The following OXR1 variants were observed in gnomAD, a reference collection of about 807,000 sequenced individuals.
OXR1 encodes the protein oxidation resistance protein 1.
Under a neutral mutation model 104.6 loss-of-function variants are expected in OXR1, and 41 were observed. That is an observed-to-expected ratio of 0.39 (90% CI 0.31 to 0.51). OXR1 has a LOEUF of 0.51. Among genes scored for constraint, OXR1 ranks in the 20% least tolerant of loss-of-function variants. OXR1 has a pLI of 0.77. For missense variants in OXR1, 955 were observed against 1,031.9 expected, an observed-to-expected ratio of 0.93 and a Z score of 1.02; for synonymous variants, 348 against 348.4, an observed-to-expected ratio of 1.00 and a Z score of 0.01.
chr8:106,696,105 A>G (rs975683126), intron 7 of OXR1, among the ~76,000 whole-genome samples: 2 of 152,128 alleles, frequency 1.3e-5, no homozygotes, highest in African/African-American at 4.8e-5. Flanking sequence ...TCCTCTATGC[A>G]CCACCTGTTC....
chr8:106,658,033 G>GGGGCACGGCCAACCGCCTGTT, intron 3 of OXR1: 1 of 1,248,508 alleles, frequency 8.0e-7, no homozygotes, highest in Non-Finnish European at 1.0e-6. Flanking sequence ...CGCCTTCTGC[G>GGGGCACGGCCAACCGCCTGTT]GGGCACGGCC....
At chr8:106,532,350 C>T (rs73699548) in intron 3 of OXR1, among the ~76,000 whole-genome samples, 5,612 of 152,298 alleles carry the variant, frequency 0.037, 338 homozygotes, top group African/African-American at 0.13. Context: ...TCTGGAATTA[C>T]ATACAATTGG....
chr8:106,300,047 A>G (rs1266215441), intron 1 of OXR1, among the ~76,000 whole-genome samples: 2 of 152,228 alleles, frequency 1.3e-5, no homozygotes, highest in African/African-American at 4.8e-5. Context: ...AATGTAAAGC[A>G]TGTCTGAGAA....
chr8:106,726,207 C>T (rs748894577), intron 11 of OXR1: 77 of 1,511,130 alleles, frequency 5.1e-5, no homozygotes, highest in Admixed American at 6.5e-5. Context: ...ACAGTTCTTA[C>T]GTGATTTTAT....
At chr8:106,331,846 G>A (rs950575754) in intron 1 of OXR1, among the ~76,000 whole-genome samples, 1 of 151,866 alleles carries the variant, frequency 6.6e-6, no homozygotes, top group Non-Finnish European at 1.5e-5. Context: ...AGGCTGAGGC[G>A]TGAGAATGAT....
At chr8:106,520,829 A>C (rs1218294453) in intron 3 of OXR1, among the ~76,000 whole-genome samples, 1 of 152,240 alleles carries the variant, frequency 6.6e-6, no homozygotes, top group African/African-American at 2.4e-5. Context: ...CAGCAAATAA[A>C]GCTTATCCTA....
chr8:106,473,767 A>G (rs747542832), intron 2 of OXR1, among the ~76,000 whole-genome samples: 2 of 150,900 alleles, frequency 1.3e-5, no homozygotes, highest in Non-Finnish European at 3.0e-5. Context: ...CTTGTCAGGG[A>G]CAGTAGTTTT....
At chr8:106,280,827 G>C (rs576203163) in intron 1 of OXR1, among the ~76,000 whole-genome samples, 10 of 152,274 alleles carry the variant, frequency 6.6e-5, no homozygotes, top group Admixed American at 6.5e-4. Flanking sequence ...TAAAAATCAA[G>C]TGAGGGCCAG....
chr8:106,713,668 G>A (rs1046449109), intron 10 of OXR1, among the ~76,000 whole-genome samples, 155 bp from the exon 11 acceptor site: 3 of 151,796 alleles, frequency 2.0e-5, no homozygotes, highest in African/African-American at 7.3e-5. Flanking sequence ...TTAAGTTAAT[G>A]CCTTCCTGAT....
chr8:106,395,040 AACATTG>A (rs61059494), intron 2 of OXR1, among the ~76,000 whole-genome samples: 96,952 of 151,242 alleles, frequency 0.64, 31,270 homozygotes, highest in Middle Eastern at 0.67. Flanking sequence ...AACTTTAGAA[AACATTG>A]ACATTGTTTT....
At chr8:106,308,002 AC>A (rs1813534892) in intron 1 of OXR1, among the ~76,000 whole-genome samples, 1 of 142,258 alleles carries the variant, frequency 7.0e-6, no homozygotes, top group African/African-American at 3.1e-5. Context: ...AAAAGGACAC[AC>A]ACACACACAA....
rs532509648 is a variant in OXR1, at chr8:106,490,807, T to C, written c.24-28136T>C. Among the ~76,000 whole-genome samples, 3 of 152,222 alleles carry C rather than the reference T, an allele frequency of 2.0e-5. No individual in the cohort carries two copies. In the East Asian group the frequency reaches 5.8e-4, roughly 29 times the overall value. On this transcript the variant is annotated intron_variant, in intron 2 of 16. Coordinates refer to ENST00000517566, the MANE Select transcript of OXR1 (RefSeq NM_001198533.2). The stretch of plus-strand genomic sequence containing the variant: ...AAGCCTTCTATTCTGTCACCTTGGC[T>C]TGGAAAGCACAAGAGAAGGATAAGA...
chr8:106,536,081 G>A (rs750964158), intron 3 of OXR1, among the ~76,000 whole-genome samples: 4 of 151,892 alleles, frequency 2.6e-5, no homozygotes, highest in East Asian at 1.9e-4. Flanking sequence ...TTAGCCGGGC[G>A]TGGTGGCGGG....
intron 3 of OXR1, among the ~76,000 whole-genome samples, chr8:106,576,322 G>A (rs1293443428): frequency 2.0e-5 from 3 of 151,528 alleles, no homozygotes; most frequent in Non-Finnish European, 2.9e-5. Context: ...TGTATATGAT[G>A]TATTACCTTA....
At chr8:106,471,834 T>C (rs545420105) in intron 2 of OXR1, among the ~76,000 whole-genome samples, 4 of 152,010 alleles carry the variant, frequency 2.6e-5, no homozygotes, top group African/African-American at 9.6e-5. Flanking sequence ...TTTGAAATAA[T>C]TTTAGACTTA....
chr8:106,316,098 A>T, intron 1 of OXR1, among the ~76,000 whole-genome samples: 1 of 152,326 alleles, frequency 6.6e-6, no homozygotes, highest in Non-Finnish European at 1.5e-5. Context: ...TGCATTCATG[A>T]TGTGCATTCA....
At chr8:106,585,129 C>T (rs3101537) in intron 3 of OXR1, among the ~76,000 whole-genome samples, 52,273 of 151,778 alleles carry the variant, frequency 0.34, 9,375 homozygotes, top group African/African-American at 0.44. Flanking sequence ...GGTATACTTT[C>T]CTGGGGTGAA....
At chr8:106,546,417 G>T (rs1815364162) in intron 3 of OXR1, among the ~76,000 whole-genome samples, 1 of 152,114 alleles carries the variant, frequency 6.6e-6, no homozygotes, top group Admixed American at 6.6e-5. Context: ...TAAAATTGTG[G>T]TAAACATATA....
intron 2 of OXR1, among the ~76,000 whole-genome samples, chr8:106,491,714 G>T (rs960060956): frequency 2.0e-5 from 3 of 152,128 alleles, no homozygotes; most frequent in Non-Finnish European, 4.4e-5. Flanking sequence ...AGGGGCACAT[G>T]GTCTGCTCCT....
Sources: allele counts gnomAD v4.1 joint callset (sites outside exome capture counted in the v4.1 genomes callset), GRCh38; gene constraint gnomAD v4.1.1; transcripts MANE v1.5; gene names NCBI Gene and HGNC (gene_info 2026-07-23, HGNC 2026-07-21).